DIAPH2: variants seen among roughly 807,000 people sequenced by gnomAD.
DIAPH2 encodes diaphanous related formin 2, also known as protein diaphanous homolog 2.
A neutral mutation model predicts 92.7 loss-of-function variants in DIAPH2; 35 were observed. That is an observed-to-expected ratio of 0.38 (90% confidence interval 0.29 to 0.50). The LOEUF (loss-of-function observed/expected upper bound fraction) is 0.50, where lower values mean the gene tolerates loss of function less well. DIAPH2 is among the 20% of genes least tolerant of loss of function. DIAPH2 has a pLI of 0.94. For missense variants in DIAPH2, 701 were observed against 819.5 expected (o/e 0.86, Z 1.77); for synonymous variants, 301 against 280.4 (o/e 1.07, Z -0.73).
chrX:97,524,654 T>C (rs1228237715), intron 26 of DIAPH2, among the ~76,000 whole-genome samples: 1 of 112,262 alleles, frequency 8.9e-6, no homozygotes. Flanking sequence ...TGGATTTCTC[T>C]ACAAAGTTGA....
chrX:97,254,722 ATTTAT>A (rs200072172), intron 23 of DIAPH2, among the ~76,000 whole-genome samples: 2,489 of 107,184 alleles, frequency 0.023, 80 homozygotes, highest in African/African-American at 0.082. Context: ...ATTTTATTTT[ATTTAT>A]TTTATTTTAT....
chrX:97,427,108 G>A (rs2070074414), intron 25 of DIAPH2, among the ~76,000 whole-genome samples: 1 of 109,021 alleles, frequency 9.2e-6, no homozygotes, highest in East Asian at 2.9e-4. Flanking sequence ...AACCCAGGAG[G>A]CGGAGGTTGT....
At chrX:96,928,554 A>G (rs775549655) in intron 9 of DIAPH2, among the ~76,000 whole-genome samples, 1 of 111,411 alleles carries the variant, frequency 9.0e-6, no homozygotes, top group Non-Finnish European at 1.9e-5. Context: ...AATTTAGATG[A>G]CCTTTTTGTT....
At chrX:96,872,998 A>G (rs760497387) in intron 4 of DIAPH2, among the ~76,000 whole-genome samples, 1 of 111,988 alleles carries the variant, frequency 8.9e-6, no homozygotes, top group South Asian at 3.8e-4. Context: ...AGGAAGCTCC[A>G]TACTGTTTTC....
At chrX:96,918,699 G>A in intron 9 of DIAPH2, 82 bp downstream of exon 9, 2 of 679,992 alleles carry the variant, frequency 2.9e-6, no homozygotes, top group Non-Finnish European at 4.4e-6. Context: ...ATTTTAGCTG[G>A]CATTTAAGTA....
chrX:97,413,036 T>G (rs1301865206), intron 25 of DIAPH2, among the ~76,000 whole-genome samples: 1 of 111,675 alleles, frequency 9.0e-6, no homozygotes, highest in Non-Finnish European at 1.9e-5. Flanking sequence ...AAAGAGGGAA[T>G]CCTCCCTAAC....
At chrX:97,055,939 C>A (rs948986882) in intron 17 of DIAPH2, among the ~76,000 whole-genome samples, 9 of 111,797 alleles carry the variant, frequency 8.1e-5, no homozygotes, top group African/African-American at 2.9e-4. Context: ...CAAGGTCACT[C>A]CTATCTGTTG....
chrX:96,939,490 ATATATATATG>A (rs1413855358), intron 12 of DIAPH2, 108 bp downstream of exon 12: 1 of 107,635 alleles, frequency 9.3e-6, no homozygotes, highest in South Asian at 3.9e-4. Flanking sequence ...GTGTGTATGT[ATATATATATG>A]TATATATATA....
intron 24 of DIAPH2, among the ~76,000 whole-genome samples, chrX:97,348,636 TAATA>T (rs963527293): frequency 8.9e-6 from 1 of 112,231 alleles, no homozygotes; most frequent in African/African-American, 3.2e-5. Flanking sequence ...ACTTTTCACA[TAATA>T]AATTCAAATG....
At chrX:97,202,842 A>C (rs1349016091) in intron 22 of DIAPH2, among the ~76,000 whole-genome samples, 1 of 112,397 alleles carries the variant, frequency 8.9e-6, no homozygotes, top group East Asian at 2.8e-4. Context: ...CCTAATAGAC[A>C]TCTACAGAAC....
At chrX:97,379,715 C>T (rs2069535118) in intron 24 of DIAPH2, among the ~76,000 whole-genome samples, 1 of 111,801 alleles carries the variant, frequency 8.9e-6, no homozygotes. Flanking sequence ...AGTACTTGAG[C>T]AGTCAGTCAT....
chrX:96,959,393 A>G (rs1400444739), intron 16 of DIAPH2, among the ~76,000 whole-genome samples: 1 of 111,408 alleles, frequency 9.0e-6, no homozygotes, highest in Non-Finnish European at 1.9e-5. Context: ...TGTTGAGCAC[A>G]TTTTCATATA....
intron 4 of DIAPH2, among the ~76,000 whole-genome samples, chrX:96,765,193 G>GTTTTTTTTT: frequency 1.2e-5 from 1 of 83,278 alleles, no homozygotes; most frequent in Non-Finnish European, 2.2e-5. Flanking sequence ...ATATTCACAT[G>GTTTTTTTTT]TTTTTTTTTT....
At chrX:97,301,044 C>T (rs1316125938) in intron 23 of DIAPH2, among the ~76,000 whole-genome samples, 3 of 98,096 alleles carry the variant, frequency 3.1e-5, no homozygotes, top group African/African-American at 1.1e-4. Context: ...TGGCTCACGC[C>T]TGTAATCCCA....
chrX:97,112,846 C>T (rs1173191292), intron 20 of DIAPH2, among the ~76,000 whole-genome samples: 1 of 89,950 alleles, frequency 1.1e-5, no homozygotes, highest in East Asian at 3.8e-4. Flanking sequence ...GGCACAATCT[C>T]GGCTCACTGC....
intron 23 of DIAPH2, among the ~76,000 whole-genome samples, chrX:97,268,856 C>CTTTTT (rs747116851): frequency 6.9e-5 from 6 of 86,910 alleles, no homozygotes; most frequent in Non-Finnish European, 9.0e-5. Context: ...TCTTTTCTTT[C>CTTTTT]TTTTTTTTTT....
intron 23 of DIAPH2, among the ~76,000 whole-genome samples, chrX:97,266,820 G>A (rs1375722487): frequency 9.0e-6 from 1 of 111,648 alleles, no homozygotes; most frequent in Non-Finnish European, 1.9e-5. Flanking sequence ...ATCTATTTTG[G>A]CTTTACCTTT....
chrX:97,281,634 C>T (rs1260511267), intron 23 of DIAPH2, among the ~76,000 whole-genome samples: 1 of 109,375 alleles, frequency 9.1e-6, no homozygotes, highest in African/African-American at 3.3e-5. Context: ...GTCCCAGCTA[C>T]TCGGGAGGCT....
chrX:97,165,890 G>A (rs1044491475), intron 22 of DIAPH2, among the ~76,000 whole-genome samples: 5 of 109,962 alleles, frequency 4.5e-5, no homozygotes, highest in Non-Finnish European at 7.6e-5. Context: ...AAACCATCCC[G>A]TCTTCTCTAC....
Sources: allele counts gnomAD v4.1 joint callset (sites outside exome capture counted in the v4.1 genomes callset), GRCh38; gene constraint gnomAD v4.1.1; transcripts MANE v1.5; gene names NCBI Gene and HGNC (gene_info 2026-07-23, HGNC 2026-07-21).